TMTC1: variants seen among roughly 807,000 people sequenced by gnomAD.
TMTC1 encodes transmembrane O-mannosyltransferase targeting cadherins 1.
TMTC1 carries 73 observed loss-of-function variants against 104.8 expected under a neutral mutation model. The ratio of observed to expected loss-of-function variants is 0.70; its 90% CI spans 0.58 to 0.85. TMTC1 has a LOEUF of 0.85. TMTC1 is among the 40% of genes least tolerant of loss of function. TMTC1 has a pLI of 0.00. For missense variants in TMTC1, 1,035 were observed against 1,096.1 expected, an observed-to-expected ratio of 0.94 and a Z score of 0.79; for synonymous variants, 434 against 428.7, an observed-to-expected ratio of 1.01 and a Z score of -0.15.
At chr12:29,708,609 A>G (rs1349148650) in intron 5 of TMTC1, among the ~76,000 whole-genome samples, 1 of 152,178 alleles carries the variant, frequency 6.6e-6, no homozygotes, top group Non-Finnish European at 1.5e-5. Flanking sequence ...CACATTTCCA[A>G]ACAGTGCTTC....
chr12:29,643,333 A>C (rs1006115984), intron 5 of TMTC1, among the ~76,000 whole-genome samples: 12 of 146,012 alleles, frequency 8.2e-5, no homozygotes, highest in Non-Finnish European at 1.2e-4. Flanking sequence ...CGAAAAAGAT[A>C]CTTGCACATG....
chr12:29,604,257 C>A lies in TMTC1; in HGVS notation c.1171G>T (p.Val391Leu). ...KEVLVGLLFL[V>L]FPFIPASNLF... ...TTGCTGGCTGGAATGAACGGGAACA[C>A]CAGGAACAACAAGCCGACTAAAACC... The change falls in exon 7 of 18, where the codon GTG becomes TTG. Residue 391 changes from valine to leucine, a missense_variant. By Grantham distance (32) the Val-to-Leu change is conservative (BLOSUM62 1). Coordinates refer to ENST00000539277, the MANE Select transcript of TMTC1 (RefSeq NM_001193451.2). 6.2e-7 allele frequency: 1 copy of A among 1,613,966 alleles called. No homozygotes were observed.
chr12:29,636,281 G>T (rs1938544472), intron 5 of TMTC1, among the ~76,000 whole-genome samples: 1 of 151,994 alleles, frequency 6.6e-6, no homozygotes, highest in African/African-American at 2.4e-5. Flanking sequence ...TTTAACTAGG[G>T]AAAAAAGGCA....
chr12:29,594,576 T>A (rs1378324205), intron 7 of TMTC1, among the ~76,000 whole-genome samples: 2 of 152,196 alleles, frequency 1.3e-5, no homozygotes, highest in East Asian at 3.8e-4. Context: ...ATTACTAAAA[T>A]CTGCATAAGG....
intron 6 of TMTC1, among the ~76,000 whole-genome samples, chr12:29,622,507 T>C (rs146724887): frequency 0.011 from 1,707 of 152,248 alleles, 14 homozygotes; most frequent in Middle Eastern, 0.034. Context: ...ATAAGAGCCA[T>C]AAAGAAAAAC....
In TMTC1 at chr12:29,505,569, T is replaced by C. The variant is rs1455090778; in HGVS notation, c.*1277A>G. Reference sequence around the variant, plus strand: ...TTTGAAAGCTGATATTAAAACCACTTTGTACAGAGAAAAAAGAAGAGTGTG... The same window carrying C: ...TTTGAAAGCTGATATTAAAACCACTCTGTACAGAGAAAAAAGAAGAGTGTG... On this transcript the variant is annotated 3_prime_UTR_variant, in exon 18 of 18. Transcript: ENST00000539277. 6.6e-6 allele frequency: 1 copy of C among 152,078 alleles called. No individual in the cohort carries two copies. Among genetic ancestry groups the C allele is most frequent in the Non-Finnish European group, 1.5e-5 (1 of 68,010 alleles). 9.4% of individuals were successfully genotyped at this position (152,078 alleles called of 1,614,324 possible).
intron 5 of TMTC1, among the ~76,000 whole-genome samples, chr12:29,730,427 T>C (rs1372192091): frequency 1.3e-5 from 2 of 152,174 alleles, no homozygotes; most frequent in Non-Finnish European, 2.9e-5. Flanking sequence ...AGTTTGGGCT[T>C]TGCAAGGTCA....
intron 9 of TMTC1, among the ~76,000 whole-genome samples, chr12:29,566,259 A>T (rs1260183404): frequency 1.3e-5 from 2 of 152,144 alleles, no homozygotes. Flanking sequence ...CAGGAAGGTG[A>T]TGTGGCTGGC....
chr12:29,541,050 C>T (rs961855593), intron 10 of TMTC1, among the ~76,000 whole-genome samples: 8 of 152,054 alleles, frequency 5.3e-5, no homozygotes, highest in African/African-American at 1.9e-4. Flanking sequence ...CTCTTTATTT[C>T]TAGATCTTTG....
intron 12 of TMTC1, among the ~76,000 whole-genome samples, 180 bp downstream of exon 12, chr12:29,520,438 T>G (rs1944115649): frequency 3.3e-5 from 5 of 152,216 alleles, no homozygotes; most frequent in Admixed American, 3.3e-4. Context: ...GGCCAGATTT[T>G]ACTGAATCGA....
At chr12:29,573,980 G>A (rs555809706) in intron 8 of TMTC1, among the ~76,000 whole-genome samples, 12 of 152,042 alleles carry the variant, frequency 7.9e-5, no homozygotes, top group Non-Finnish European at 1.5e-4. Flanking sequence ...AGAGAGGAGA[G>A]GAGAGGGAAA....
chr12:29,507,504 GT>G (rs1347942208), intron 17 of TMTC1, among the ~76,000 whole-genome samples: 1 of 152,180 alleles, frequency 6.6e-6, no homozygotes, highest in South Asian at 2.1e-4. Context: ...GCCTAATAAA[GT>G]TTTTTGCAAT....
chr12:29,660,965 A>G, intron 5 of TMTC1: 1 of 742,390 alleles, frequency 1.3e-6, no homozygotes, highest in African/African-American at 1.8e-5. Flanking sequence ...AAGACGCTGC[A>G]GCTCTGAAGA....
chr12:29,617,533 CAACAGAGAGAGA>C (rs1275582257), intron 6 of TMTC1, among the ~76,000 whole-genome samples: 21 of 120,380 alleles, frequency 1.7e-4, no homozygotes, highest in African/African-American at 5.9e-4. Context: ...GCAAAACAGA[CAACAGAGAGAGA>C]GAGAGAGAGA....
At chr12:29,774,412 A>T (rs897161850) in intron 1 of TMTC1, among the ~76,000 whole-genome samples, 1 of 152,218 alleles carries the variant, frequency 6.6e-6, no homozygotes, top group Non-Finnish European at 1.5e-5. Flanking sequence ...CAGCAGTAAC[A>T]CAAAGAATAG....
chr12:29,599,958 G>GTA (rs201779600), intron 7 of TMTC1, among the ~76,000 whole-genome samples: 39 of 134,120 alleles, frequency 2.9e-4, no homozygotes, highest in Non-Finnish European at 3.9e-4. Flanking sequence ...ATATATATGT[G>GTA]TATATATATA....
At chr12:29,752,110 C>T (rs1592011072) in intron 4 of TMTC1, among the ~76,000 whole-genome samples, 2 of 140,262 alleles carry the variant, frequency 1.4e-5, no homozygotes, top group Non-Finnish European at 3.1e-5. Flanking sequence ...GTAACTCAGT[C>T]TTTGTTAGAT....
intron 10 of TMTC1, among the ~76,000 whole-genome samples, chr12:29,537,904 C>T (rs1388551398): frequency 3.9e-5 from 6 of 152,150 alleles, no homozygotes; most frequent in Non-Finnish European, 5.9e-5. Context: ...GGGAAAAAAC[C>T]GCCATGCTTC....
intron 6 of TMTC1, among the ~76,000 whole-genome samples, chr12:29,613,275 G>T (rs879675986): frequency 1.8e-4 from 27 of 152,278 alleles, no homozygotes; most frequent in Non-Finnish European, 3.4e-4. Context: ...GTACACCTAG[G>T]ACCCCCACCT....
Sources: allele counts gnomAD v4.1 joint callset (sites outside exome capture counted in the v4.1 genomes callset), GRCh38; gene constraint gnomAD v4.1.1; transcripts MANE v1.5; gene names NCBI Gene and HGNC (gene_info 2026-07-23, HGNC 2026-07-21).